Variants in GALNT5 observed in about 807,000 individuals in gnomAD.
GALNT5 encodes the protein polypeptide N-acetylgalactosaminyltransferase 5.
A neutral mutation model predicts 85.4 loss-of-function variants in GALNT5; 72 were observed. The ratio of observed to expected loss-of-function variants is 0.84; its 90% CI spans 0.70 to 1.03. GALNT5 has a LOEUF of 1.03. GALNT5 is among the 50% of genes least tolerant of loss of function. The pLI, the probability that GALNT5 is intolerant of heterozygous loss-of-function variation, is 0.00. For synonymous variants in GALNT5, 404 were observed against 397.0 expected (o/e 1.02, Z -0.21); for missense variants, 1,137 against 1,135.5 (o/e 1.00, Z -0.02).
intron 1 of GALNT5, among the ~76,000 whole-genome samples, chr2:157,277,786 C>A (rs1682767641): frequency 6.6e-6 from 1 of 152,214 alleles, no homozygotes; most frequent in African/African-American, 2.4e-5. Context: ...ATTTGCCAGA[C>A]TGTGTCTTTT....
chr2:157,278,211 C>T (rs1272317430), intron 1 of GALNT5, among the ~76,000 whole-genome samples: 1 of 152,196 alleles, frequency 6.6e-6, no homozygotes, highest in East Asian at 1.9e-4. Flanking sequence ...TGATCGGCTT[C>T]CCTTTGTGGG....
In GALNT5 at chr2:157,314,347, T is replaced by C. The variant is rs1247880341; in HGVS notation, c.*2999T>C. The C allele has an allele frequency of 6.6e-6, 1 of 152,146 alleles. No individual in the cohort carries two copies. The highest frequency in any genetic ancestry group is 1.9e-4 in the East Asian group (1 of 5,202). 9.4% of individuals were successfully genotyped at this position (152,146 alleles called of 1,614,324 possible). On this transcript the variant is annotated 3_prime_UTR_variant, in exon 10 of 10. Transcript: ENST00000259056. ...CTTTTCAGTTTGCACAATTTCTTTC[T>C]CCTTTTCAACAGTTACCCAGCGCTT...
rs142371612 is a variant in GALNT5 at position 157,260,260 on chromosome 2, A to G, written c.1454+724A>G. The stretch of plus-strand genomic sequence containing the variant: ...GCCTGCATACACATAGATGAACTCC[A>G]TATGAGCCCTGCAAAGGAGGAGGCA... On this transcript the variant is annotated intron_variant, in intron 1 of 9. Coordinates refer to ENST00000259056, the MANE Select transcript of GALNT5 (RefSeq NM_014568.3). Among the ~76,000 whole-genome samples the G allele has an allele frequency of 5.8e-4, 89 of 152,356 alleles. No homozygotes were observed. In the East Asian group the frequency reaches 0.016, roughly 27 times the overall value.
intron 1 of GALNT5, 144 bp downstream of exon 1, chr2:157,259,680 T>G: frequency 1.7e-6 from 1 of 586,134 alleles, no homozygotes; most frequent in Non-Finnish European, 2.6e-6. Flanking sequence ...ATTCAAATAT[T>G]TCACCAGCTA....
chr2:157,303,843 AG>A (rs1287382752), intron 7 of GALNT5, among the ~76,000 whole-genome samples: 1 of 152,224 alleles, frequency 6.6e-6, no homozygotes, highest in Non-Finnish European at 1.5e-5. Flanking sequence ...ATAGTTAAAC[AG>A]GGGGTTCCCA....
Position 157,257,824 on chromosome 2 carries a change from G to A in GALNT5, c.-259G>A, listed in dbSNP as rs1342586236. On this transcript the variant is annotated 5_prime_UTR_variant, in exon 1 of 10. Transcript: ENST00000259056. ...ATCAACTGCTCCTGGAGTGACCTAA[G>A]GCCAGTGTTTATCAGAACTTAGCCA... 19 of 506,826 alleles carry A rather than the reference G, an allele frequency of 3.7e-5. No homozygotes were observed. Among genetic ancestry groups the A allele is most frequent in the Non-Finnish European group, 5.0e-5 (14 of 279,320 alleles). 31.4% of individuals were successfully genotyped at this position (506,826 alleles called of 1,614,324 possible). A position where few individuals can be genotyped will look rare whatever the true frequency, so the allele number is the denominator to read the frequency against.
chr2:157,307,463 T>G (rs962988333), intron 8 of GALNT5, among the ~76,000 whole-genome samples: 1 of 152,260 alleles, frequency 6.6e-6, no homozygotes, highest in Non-Finnish European at 1.5e-5. Flanking sequence ...CTAGCTTCTC[T>G]TAGTAGCACA....
At position 157,305,884 on chromosome 2, in the gene GALNT5, A is replaced by G. The variant is rs1683445693; in HGVS notation, c.2520+55A>G. The stretch of plus-strand genomic sequence containing the variant: ...AGCTGATAGGTGCAGGGTATGACAC[A>G]TTCATTGCTCAACTGAGAAATTCAT... On this transcript the variant is annotated intron_variant, in intron 8 of 9. Coordinates refer to ENST00000259056, the MANE Select transcript of GALNT5 (RefSeq NM_014568.3). The G allele has an allele frequency of 8.7e-6, 8 of 915,988 alleles. No individual in the cohort carries two copies. In the East Asian group the frequency reaches 1.5e-4, roughly 17 times the overall value. The allele number at this position is 915,988 out of a possible 1,614,324, so 56.7% of individuals were successfully genotyped here.
At chr2:157,271,844 G>A (rs1270570901) in intron 1 of GALNT5, among the ~76,000 whole-genome samples, 1 of 152,158 alleles carries the variant, frequency 6.6e-6, no homozygotes, top group East Asian at 1.9e-4. Context: ...TATAAACTAT[G>A]AAGATATTAT....
Position 157,311,444 on chromosome 2 carries a change from C to A in GALNT5, c.*96C>A. ...ATTTCTCAGCGGTAGTTTAAATTTT[C>A]AATTTTAATAACATTTGAATGGAAG... On this transcript the variant is annotated 3_prime_UTR_variant, in exon 10 of 10. Coordinates refer to ENST00000259056, the MANE Select transcript of GALNT5 (RefSeq NM_014568.3). 1 of 790,098 alleles carries A rather than the reference C, an allele frequency of 1.3e-6. No individual in the cohort carries two copies. Among genetic ancestry groups the A allele is most frequent in the Non-Finnish European group, 2.0e-6 (1 of 512,668 alleles). 48.9% of individuals were successfully genotyped at this position (790,098 alleles called of 1,614,324 possible).
At position 157,305,860 on chromosome 2, in the gene GALNT5, G is replaced by T. The variant is rs1414219065; in HGVS notation, c.2520+31G>T. 2.5e-6 allele frequency: 3 copies of T among 1,185,092 alleles called. No individual in the cohort carries two copies. The Admixed American group carries it at 5.1e-5, about 20-fold the overall frequency. The allele number at this position is 1,185,092 out of a possible 1,614,324, so 73.4% of individuals were successfully genotyped here. A position where few individuals can be genotyped will look rare whatever the true frequency, so the allele number is the denominator to read the frequency against. On this transcript the variant is annotated intron_variant, in intron 8 of 9. Transcript: ENST00000259056. ...CTAAACTGTTTTCTATCTCATGGTA[G>T]CTGATAGGTGCAGGGTATGACACAT...
At chr2:157,298,127 T>C (rs546197935) in intron 5 of GALNT5, among the ~76,000 whole-genome samples, 2 of 152,336 alleles carry the variant, frequency 1.3e-5, no homozygotes, top group Admixed American at 1.3e-4. Context: ...GAATAGGGTC[T>C]GGAGGCAAGA....
At chr2:157,307,437 T>A (rs1683477885) in intron 8 of GALNT5, among the ~76,000 whole-genome samples, 1 of 152,224 alleles carries the variant, frequency 6.6e-6, no homozygotes. Flanking sequence ...TGAAACGTAT[T>A]TTTTCAAGGT....
In GALNT5 at chr2:157,259,426, C is replaced by A; in HGVS notation, c.1344C>A (p.Pro448=). Residue 448 remains proline, a synonymous_variant, in exon 1 of 10, where the codon CCC becomes CCA. Coordinates refer to ENST00000259056, the MANE Select transcript of GALNT5 (RefSeq NM_014568.3). The part of the protein sequence containing the change: ...PGQFGRPVVV[P]HGKEKEAERR... Reference sequence around the variant, plus strand: ...AGTTTGGGCGTCCTGTAGTTGTCCCCCATGGAAAGGAGAAGGAGGCAGAAA... The same window carrying A: ...AGTTTGGGCGTCCTGTAGTTGTCCCACATGGAAAGGAGAAGGAGGCAGAAA... 6.8e-7 allele frequency: 1 copy of A among 1,474,380 alleles called. No individual in the cohort carries two copies. The highest frequency in any genetic ancestry group is 9.0e-7 in the Non-Finnish European group (1 of 1,111,242). The allele number at this position is 1,474,380 out of a possible 1,614,324, so 91.3% of individuals were successfully genotyped here.
At chr2:157,287,976 C>A (rs1683014117) in intron 3 of GALNT5, among the ~76,000 whole-genome samples, 1 of 152,190 alleles carries the variant, frequency 6.6e-6, no homozygotes, top group Non-Finnish European at 1.5e-5. Flanking sequence ...GTGCCTTATG[C>A]AAGCTCCCCC....
intron 7 of GALNT5, chr2:157,302,197 A>G (rs1417113645): frequency 1.3e-5 from 2 of 152,094 alleles, no homozygotes; most frequent in Non-Finnish European, 2.9e-5. Flanking sequence ...TTTAGGCCAA[A>G]TTTTTTCAGT....
chr2:157,296,570 TAAA>T, intron 5 of GALNT5, 57 bp downstream of exon 5: 1 of 1,373,244 alleles, frequency 7.3e-7, no homozygotes. Flanking sequence ...GTAAAAGCAT[TAAA>T]AAATTCTACA....
At chr2:157,264,899 C>G (rs1039142667) in intron 1 of GALNT5, among the ~76,000 whole-genome samples, 11 of 151,880 alleles carry the variant, frequency 7.2e-5, no homozygotes, top group African/African-American at 2.7e-4. Flanking sequence ...ACATGGGACA[C>G]AAATCTTAAT....
chr2:157,262,090 T>C (rs1490261956), intron 1 of GALNT5, among the ~76,000 whole-genome samples: 1 of 152,102 alleles, frequency 6.6e-6, no homozygotes, highest in Non-Finnish European at 1.5e-5. Context: ...TTTAAGAGTT[T>C]TGGAGAATAT....
Sources: allele counts gnomAD v4.1 joint callset (sites outside exome capture counted in the v4.1 genomes callset), GRCh38; gene constraint gnomAD v4.1.1; transcripts MANE v1.5; gene names NCBI Gene and HGNC (gene_info 2026-07-23, HGNC 2026-07-21).